PACRG: variants seen among roughly 807,000 people sequenced by gnomAD.
PACRG encodes the protein parkin coregulated gene protein.
In PACRG, 29 loss-of-function variants were observed where a neutral mutation model predicts 29.7. The observed-to-expected ratio is 0.98, with a 90% CI of 0.73 to 1.33. PACRG has a LOEUF of 1.33. PACRG is among the 40% of genes most tolerant of loss of function. The pLI, the probability that PACRG is intolerant of heterozygous loss-of-function variation, is 0.00. For synonymous variants in PACRG, 116 were observed against 118.7 expected (o/e 0.98, Z 0.15); for missense variants, 279 against 316.2 (o/e 0.88, Z 0.89).
Position 163,280,150 on chromosome 6 carries a change from C to T in PACRG, c.614-34677C>T, listed in dbSNP as rs1376273593. 2.6e-5 allele frequency among the ~76,000 whole-genome samples: 4 copies of T among 152,340 alleles called. No homozygotes were observed. The East Asian group carries it at 7.7e-4, about 29-fold the overall frequency. Reference sequence around the variant, plus strand: ...CTCTGCTCAGTCTCCTTTCCATCCTCCCAGATCTAGCAGCTCATGCTGTGT... The same window carrying T: ...CTCTGCTCAGTCTCCTTTCCATCCTTCCAGATCTAGCAGCTCATGCTGTGT... On this transcript the variant is annotated intron_variant, in intron 4 of 4. Coordinates refer to ENST00000366888, the MANE Select transcript of PACRG (RefSeq NM_001080379.2).
intron 4 of PACRG, chr6:163,312,738 T>C: frequency 2.4e-6 from 1 of 416,412 alleles, no homozygotes; most frequent in Non-Finnish European, 4.7e-6. Context: ...CTTGTTTATC[T>C]GATATATTCT....
At chr6:163,284,251 A>G (rs558766758) in intron 4 of PACRG, among the ~76,000 whole-genome samples, 72 of 152,364 alleles carry the variant, frequency 4.7e-4, no homozygotes, top group African/African-American at 1.6e-3. Context: ...CTGCATAAAA[A>G]CAAGCCAAGG....
intron 4 of PACRG, among the ~76,000 whole-genome samples, chr6:163,258,642 A>C (rs542647449): frequency 1.3e-5 from 2 of 152,002 alleles, no homozygotes; most frequent in East Asian, 3.9e-4. Context: ...TTGTAGTCCC[A>C]GCTACTCGGG....
chr6:162,922,495 G>A (rs1473561771), intron 2 of PACRG, among the ~76,000 whole-genome samples: 1 of 151,862 alleles, frequency 6.6e-6, no homozygotes, highest in South Asian at 2.1e-4. Flanking sequence ...TCACCCTGCA[G>A]TGCAGTGGAA....
At chr6:163,177,864 C>G (rs1301508895) in intron 4 of PACRG, among the ~76,000 whole-genome samples, 1 of 151,794 alleles carries the variant, frequency 6.6e-6, no homozygotes, top group African/African-American at 2.4e-5. Context: ...CACACGCTTC[C>G]CTCCATGCAC....
chr6:163,291,947 T>G (rs1299963116), intron 4 of PACRG, among the ~76,000 whole-genome samples: 2 of 152,188 alleles, frequency 1.3e-5, no homozygotes, highest in African/African-American at 4.8e-5. Context: ...TAGGGCTTAA[T>G]GCCAGGCCAG....
chr6:162,837,085 A>G (rs1333688265), intron 2 of PACRG, among the ~76,000 whole-genome samples: 1 of 152,126 alleles, frequency 6.6e-6, no homozygotes, highest in Admixed American at 6.6e-5. Context: ...TGGATGTAAT[A>G]AGTAGGGAAT....
chr6:162,911,538 A>G (rs1035930721), intron 2 of PACRG, among the ~76,000 whole-genome samples: 5 of 152,264 alleles, frequency 3.3e-5, no homozygotes, highest in African/African-American at 1.2e-4. Flanking sequence ...CTTACAGAAT[A>G]TAGATATGGA....
intron 4 of PACRG, among the ~76,000 whole-genome samples, chr6:163,282,769 C>T (rs773456797): frequency 2.6e-5 from 4 of 150,958 alleles, no homozygotes; most frequent in African/African-American, 4.9e-5. Flanking sequence ...TTAGCCATGA[C>T]AAGGCTTACA....
intron 4 of PACRG, among the ~76,000 whole-genome samples, chr6:163,188,550 G>A (rs1216595883): frequency 6.6e-6 from 1 of 152,168 alleles, no homozygotes; most frequent in South Asian, 2.1e-4. Flanking sequence ...GGGAAATAGA[G>A]GTCACACCAA....
intron 4 of PACRG, among the ~76,000 whole-genome samples, chr6:163,106,156 G>C (rs957092676): frequency 3.3e-5 from 5 of 152,070 alleles, no homozygotes; most frequent in African/African-American, 1.2e-4. Flanking sequence ...GAGAGATAAA[G>C]TAATTTTCAA....
At chr6:163,159,896 C>T (rs574233404) in intron 4 of PACRG, among the ~76,000 whole-genome samples, 22 of 152,322 alleles carry the variant, frequency 1.4e-4, no homozygotes, top group Admixed American at 1.4e-3. Flanking sequence ...CCTCCACCCC[C>T]GTGACTTCCT....
intron 1 of PACRG, among the ~76,000 whole-genome samples, chr6:162,763,136 T>C (rs962531073): frequency 2.6e-5 from 4 of 152,238 alleles, no homozygotes; most frequent in African/African-American, 9.6e-5. Flanking sequence ...TGAAATGCCC[T>C]TGATTAATAA....
chr6:163,277,116 T>C (rs1386449670), intron 4 of PACRG, among the ~76,000 whole-genome samples: 1 of 152,138 alleles, frequency 6.6e-6, no homozygotes, highest in Non-Finnish European at 1.5e-5. Context: ...CAATTTTTTT[T>C]ATTTCAATAG....
chr6:162,751,365 A>T (rs1781502721), intron 1 of PACRG, among the ~76,000 whole-genome samples: 1 of 152,106 alleles, frequency 6.6e-6, no homozygotes, highest in South Asian at 2.1e-4. Context: ...TACTGAGATT[A>T]TTCATGTTCC....
intron 2 of PACRG, among the ~76,000 whole-genome samples, chr6:162,917,942 C>G (rs1013108794): frequency 6.6e-6 from 1 of 152,158 alleles, no homozygotes; most frequent in Non-Finnish European, 1.5e-5. Context: ...CTGTGAACAG[C>G]AAATGTGTTT....
At chr6:162,821,776 C>T (rs538594330) in intron 2 of PACRG, among the ~76,000 whole-genome samples, 21 of 152,092 alleles carry the variant, frequency 1.4e-4, no homozygotes, top group Non-Finnish European at 2.2e-4. Context: ...AGTTGTATTC[C>T]AATTAGTAAT....
chr6:163,109,259 A>T (rs1190929534), intron 4 of PACRG, among the ~76,000 whole-genome samples: 2 of 152,190 alleles, frequency 1.3e-5, no homozygotes, highest in Non-Finnish European at 2.9e-5. Context: ...TCAATCATTT[A>T]CCAATCTTAT....
At chr6:162,744,197 TC>T (rs1015560972) in intron 1 of PACRG, among the ~76,000 whole-genome samples, 11 of 152,164 alleles carry the variant, frequency 7.2e-5, no homozygotes, top group African/African-American at 2.4e-4. Flanking sequence ...CTAGAAATGT[TC>T]CTATGAAAAC....
Sources: gnomAD v4.1 joint callset for allele counts (sites outside exome capture counted in the v4.1 genomes callset) on GRCh38, gnomAD v4.1.1 for gene constraint, MANE v1.5 for transcripts, NCBI Gene and HGNC (gene_info 2026-07-23, HGNC 2026-07-21) for gene names.